SLC35D2: variants seen among roughly 807,000 people sequenced by gnomAD.
SLC35D2 encodes solute carrier family 35 member D2, also known as nucleotide sugar transporter SLC35D2.
In SLC35D2, 43 loss-of-function variants were observed where a neutral mutation model predicts 41.8. That is an observed-to-expected ratio of 1.03 (90% confidence interval 0.81 to 1.33). The LOEUF is 1.33. Among genes scored for constraint, SLC35D2 ranks in the 40% most tolerant of loss-of-function variants. The probability of loss-of-function intolerance (pLI) is 0.00; values close to 1 mark genes in which losing one functional copy is unlikely to be tolerated. For missense variants in SLC35D2, 380 were observed against 408.4 expected, an observed-to-expected ratio of 0.93 and a Z score of 0.60; for synonymous variants, 150 against 163.9, an observed-to-expected ratio of 0.92 and a Z score of 0.65.
intron 3 of SLC35D2, among the ~76,000 whole-genome samples, chr9:96,362,364 G>A (rs997496837): frequency 2.0e-5 from 3 of 152,090 alleles, no homozygotes; most frequent in African/African-American, 4.8e-5. Context: ...AAAATTGGCC[G>A]GGCATGGCGG....
intron 6 of SLC35D2, among the ~76,000 whole-genome samples, chr9:96,350,498 G>C (rs1407831950): frequency 6.6e-6 from 1 of 151,838 alleles, no homozygotes; most frequent in Non-Finnish European, 1.5e-5. Flanking sequence ...CCAGCCTGGA[G>C]CTAAGTTTTG....
intron 1 of SLC35D2, among the ~76,000 whole-genome samples, 177 bp downstream of exon 1, chr9:96,383,300 T>C (rs1369784336): frequency 2.0e-5 from 3 of 152,144 alleles, no homozygotes; most frequent in African/African-American, 4.8e-5. Context: ...GGTTGTGGCC[T>C]GAGTGTAGAA....
intron 8 of SLC35D2, among the ~76,000 whole-genome samples, chr9:96,342,711 C>T (rs1829390068): frequency 6.6e-6 from 1 of 152,078 alleles, no homozygotes; most frequent in Non-Finnish European, 1.5e-5. Flanking sequence ...TGCCCGGGGA[C>T]GAGGTTGCTA....
intron 2 of SLC35D2, 62 bp downstream of exon 2, chr9:96,368,210 T>C: frequency 1.4e-6 from 2 of 1,381,262 alleles, no homozygotes; most frequent in Non-Finnish European, 2.0e-6. Flanking sequence ...CAAAAGGACT[T>C]AAAATGTCAT....
At chr9:96,356,905 G>A (rs545849010) in intron 4 of SLC35D2, among the ~76,000 whole-genome samples, 18 of 151,888 alleles carry the variant, frequency 1.2e-4, no homozygotes, top group African/African-American at 4.3e-4. Context: ...AGATAGGCTG[G>A]GCGTGGTGGC....
chr9:96,349,883 C>T (rs756939472), intron 6 of SLC35D2, among the ~76,000 whole-genome samples: 21 of 152,102 alleles, frequency 1.4e-4, no homozygotes, highest in Admixed American at 4.6e-4. Flanking sequence ...TCTCCCTTAG[C>T]CCCTGGAGCA....
chr9:96,327,406 A>G (rs933295192), intron 9 of SLC35D2, among the ~76,000 whole-genome samples: 1 of 152,006 alleles, frequency 6.6e-6, no homozygotes, highest in African/African-American at 2.4e-5. Context: ...AAACCACCTC[A>G]GCCTGCATTC....
At chr9:96,318,755 CA>C (rs1828117082), downstream of SLC35D2, among the ~76,000 whole-genome samples, 1 of 151,984 alleles carries the variant, frequency 6.6e-6, no homozygotes, top group Admixed American at 6.6e-5. Context: ...CCAGGAGTTG[CA>C]GACCATCCTG....
In SLC35D2 at chr9:96,362,738, T is replaced by A. The variant is rs114120256; in HGVS notation, c.279+1726A>T. Among the ~76,000 whole-genome samples, 376 of 152,292 alleles carry A rather than the reference T, an allele frequency of 2.5e-3. 1 individual carries two copies. The highest frequency in any genetic ancestry group is 8.4e-3 in the African/African-American group (350 of 41,570). On this transcript the variant is annotated intron_variant, in intron 3 of 11. Coordinates refer to ENST00000253270, the MANE Select transcript of SLC35D2 (RefSeq NM_007001.3). ...TAGATTTTACCATTTTAAAATTTTT[T>A]TAATTATACTATACCACAAAGTAAG...
chr9:96,313,501 T>C (rs1273515028), exon 12 of SLC35D2, among the ~76,000 whole-genome samples: 1 of 152,218 alleles, frequency 6.6e-6, no homozygotes, highest in Non-Finnish European at 1.5e-5. Flanking sequence ...ATTGCCCACA[T>C]GGCTGATCTC....
rs986688033 is a variant in SLC35D2, at chr9:96,320,978, G to A, written c.*264C>T. ...GAAGGCCCCATAGGTCCCTAGAAGA[G>A]CAGCTGGGGCTCCACCTACCGAGTC... On this transcript the variant is annotated 3_prime_UTR_variant, in exon 12 of 12. Coordinates refer to ENST00000253270, the MANE Select transcript of SLC35D2 (RefSeq NM_007001.3). The A allele has an allele frequency of 8.5e-6, 3 of 352,356 alleles. No homozygotes were observed. Among genetic ancestry groups the A allele is most frequent in the Non-Finnish European group, 1.6e-5 (3 of 191,544 alleles). 21.8% of individuals were successfully genotyped at this position (352,356 alleles called of 1,614,324 possible).
chr9:96,333,191 C>T (rs933526783), intron 9 of SLC35D2, among the ~76,000 whole-genome samples: 3 of 151,856 alleles, frequency 2.0e-5, no homozygotes, highest in African/African-American at 4.8e-5. Context: ...GCCACTGCGC[C>T]TGGCCTGAAT....
At chr9:96,364,440 T>C (rs201017823) in intron 3 of SLC35D2, 24 bp downstream of exon 3, 2 of 1,307,822 alleles carry the variant, frequency 1.5e-6, no homozygotes, top group Non-Finnish European at 2.2e-6. Flanking sequence ...TCTATCACAG[T>C]CATACATACT....
chr9:96,368,705 T>C (rs534470348), intron 1 of SLC35D2, among the ~76,000 whole-genome samples: 16 of 149,020 alleles, frequency 1.1e-4, no homozygotes, highest in Admixed American at 4.1e-4. Flanking sequence ...TATGTGTATA[T>C]TATATATATA....
downstream of SLC35D2, among the ~76,000 whole-genome samples, chr9:96,317,777 A>G (rs563794977): frequency 5.5e-4 from 83 of 151,924 alleles, no homozygotes; most frequent in African/African-American, 1.9e-3. Flanking sequence ...TAATCCCAGC[A>G]CTCTGGGAGG....
At chr9:96,327,129 C>T (rs1828573787) in intron 9 of SLC35D2, among the ~76,000 whole-genome samples, 1 of 152,228 alleles carries the variant, frequency 6.6e-6, no homozygotes, top group African/African-American at 2.4e-5. Flanking sequence ...TGCACCAGCA[C>T]AGCCTTAAAC....
chr9:96,344,187 A>AT (rs986144447), intron 7 of SLC35D2, among the ~76,000 whole-genome samples, 191 bp from the exon 8 acceptor site: 1 of 152,144 alleles, frequency 6.6e-6, no homozygotes, highest in Non-Finnish European at 1.5e-5. Flanking sequence ...TGGAATAAAC[A>AT]TTTGTTTTAC....
chr9:96,352,391 G>A lies in SLC35D2; in HGVS notation c.348-282C>T, dbSNP rs184355628. 4.6e-4 allele frequency among the ~76,000 whole-genome samples: 70 copies of A among 151,802 alleles called. No individual in the cohort carries two copies. The East Asian group carries it at 0.012, about 26-fold the overall frequency. ...GGCTGTAGTGCAGTGGTGCAATCTCGGCTCACTGTAACCTCTGCCTCCCGG... is the reference window on the plus strand; with the variant it reads ...GGCTGTAGTGCAGTGGTGCAATCTCAGCTCACTGTAACCTCTGCCTCCCGG... On this transcript the variant is annotated intron_variant, in intron 4 of 11. Transcript: ENST00000253270.
rs1420758899 is a variant in SLC35D2, at chr9:96,336,798, G to GA, written c.685-15dup. 10 of 1,452,056 alleles carry GA rather than the reference G, an allele frequency of 6.9e-6. No homozygotes were observed. The highest frequency in any genetic ancestry group is 2.1e-4 in the Middle Eastern group (1 of 4,842). 89.9% of individuals were successfully genotyped at this position (1,452,056 alleles called of 1,614,324 possible). A position where few individuals can be genotyped will look rare whatever the true frequency, so the allele number is the denominator to read the frequency against. On this transcript the variant is annotated splice_polypyrimidine_tract_variant and intron_variant, in intron 8 of 11. Transcript: ENST00000253270. ...GAATTCAGTAGCCTATTATTAAAAA[G>GA]AAAAAAACTAATGATTAGGTTAATA...
Sources: gnomAD v4.1 joint callset for allele counts (sites outside exome capture counted in the v4.1 genomes callset) on GRCh38, gnomAD v4.1.1 for gene constraint, MANE v1.5 for transcripts, NCBI Gene and HGNC (gene_info 2026-07-23, HGNC 2026-07-21) for gene names.